PDE8B: variants seen among roughly 807,000 people sequenced by gnomAD.
PDE8B encodes phosphodiesterase 8B, also known as high affinity cAMP-specific and IBMX-insensitive 3',5'-cyclic phosphodiesterase 8B.
In PDE8B, 26 loss-of-function variants were observed where a neutral mutation model predicts 101.3. That is an observed-to-expected ratio of 0.26 (90% CI 0.19 to 0.36). PDE8B has a LOEUF of 0.36. PDE8B is among the 10% of genes least tolerant of loss of function. The probability of loss-of-function intolerance (pLI) is 1.00; values close to 1 mark genes in which losing one functional copy is unlikely to be tolerated. For synonymous variants in PDE8B, 424 were observed against 429.3 expected (o/e 0.99, Z 0.15); for missense variants, 810 against 1,163.1 (o/e 0.70, Z 4.42).
chr5:77,383,658 TA>T (rs199546200), intron 10 of PDE8B, among the ~76,000 whole-genome samples: 4,174 of 152,280 alleles, frequency 0.027, 179 homozygotes, highest in African/African-American at 0.095. Flanking sequence ...AATTTTTGTA[TA>T]AAGTGTAAGG....
chr5:77,422,968 A>G (rs988472101), intron 20 of PDE8B, among the ~76,000 whole-genome samples: 2 of 152,200 alleles, frequency 1.3e-5, no homozygotes, highest in Admixed American at 6.5e-5. Context: ...CCATGGCTCA[A>G]GTAGTAAACA....
intron 9 of PDE8B, among the ~76,000 whole-genome samples, chr5:77,352,721 T>C (rs1208400241): frequency 1.3e-5 from 2 of 152,156 alleles, no homozygotes; most frequent in African/African-American, 4.8e-5. Flanking sequence ...ATTTCATGGT[T>C]TTACTCTCAG....
chr5:77,398,664 G>C (rs1791595912), intron 10 of PDE8B, among the ~76,000 whole-genome samples: 1 of 152,212 alleles, frequency 6.6e-6, no homozygotes, highest in Admixed American at 6.5e-5. Context: ...CTCCCGCTAA[G>C]ACACAGTCAT....
chr5:77,176,237 G>T, the PDE8B span, among the ~76,000 whole-genome samples: 1 of 152,082 alleles, frequency 6.6e-6, no homozygotes, highest in South Asian at 2.1e-4. Flanking sequence ...ACGCAGCACC[G>T]TAGGCAAAGC....
At chr5:77,199,780 G>A in the PDE8B span, among the ~76,000 whole-genome samples, 1 of 152,124 alleles carries the variant, frequency 6.6e-6, no homozygotes, top group African/African-American at 2.4e-5. Flanking sequence ...CACAAGAGAA[G>A]TATATAGAGA....
chr5:77,378,590 A>G (rs927741603), intron 10 of PDE8B, among the ~76,000 whole-genome samples: 2 of 152,102 alleles, frequency 1.3e-5, no homozygotes, highest in African/African-American at 4.8e-5. Context: ...AAATGGCAAA[A>G]TGTAGATTCC....
intron 11 of PDE8B, among the ~76,000 whole-genome samples, chr5:77,402,528 G>A (rs1258388506): frequency 6.6e-6 from 1 of 152,116 alleles, no homozygotes; most frequent in Non-Finnish European, 1.5e-5. Context: ...TGGTTAAGAA[G>A]GTGGTCTAGA....
chr5:77,105,895 G>A, the PDE8B span: 1 of 152,162 alleles, frequency 6.6e-6, no homozygotes, highest in African/African-American at 2.4e-5. Flanking sequence ...TTTTCCTAAT[G>A]CCTAATGGAA....
chr5:77,104,308 G>A, the PDE8B span, among the ~76,000 whole-genome samples: 2 of 152,184 alleles, frequency 1.3e-5, no homozygotes, highest in Non-Finnish European at 2.9e-5. Context: ...CCTGCACCCA[G>A]TGTGACAATG....
At chr5:77,351,013 G>A in intron 8 of PDE8B, 52 bp from the exon 9 acceptor site, 1 of 1,292,850 alleles carries the variant, frequency 7.7e-7, no homozygotes, top group Non-Finnish European at 1.1e-6. Flanking sequence ...CTCTGCAGGA[G>A]CAGCTGTCAT....
At chr5:77,194,048 T>C in the PDE8B span, among the ~76,000 whole-genome samples, 1 of 152,210 alleles carries the variant, frequency 6.6e-6, no homozygotes, top group Non-Finnish European at 1.5e-5. Flanking sequence ...CCTTTAGCAT[T>C]TTCTATGTGT....
Sources: allele counts gnomAD v4.1 joint callset (sites outside exome capture counted in the v4.1 genomes callset), GRCh38; gene constraint gnomAD v4.1.1; transcripts MANE v1.5; gene names NCBI Gene and HGNC (gene_info 2026-07-23, HGNC 2026-07-21).